TNKS: variants seen among roughly 807,000 people sequenced by gnomAD.
TNKS encodes the protein tankyrase.
In TNKS, 72 loss-of-function variants were observed where a neutral mutation model predicts 135.8. The ratio of observed to expected loss-of-function variants is 0.53; its 90% CI spans 0.44 to 0.64. TNKS has a LOEUF of 0.64. TNKS is among the 30% of genes least tolerant of loss of function. TNKS has a pLI of 0.00. For missense variants in TNKS, 1,769 were observed against 1,674.0 expected (o/e 1.06, Z -0.99); for synonymous variants, 849 against 649.3 (o/e 1.31, Z -4.68).
chr8:9,741,188 A>G (rs1175716273), intron 17 of TNKS: 2 of 152,378 alleles, frequency 1.3e-5, no homozygotes, highest in East Asian at 1.9e-4. Context: ...ACTTCTTAGC[A>G]TAATTGTTCT....
chr8:9,615,865 G>A (rs1007415597), intron 3 of TNKS, among the ~76,000 whole-genome samples, 188 bp downstream of exon 3: 2 of 152,196 alleles, frequency 1.3e-5, no homozygotes, highest in African/African-American at 4.8e-5. Flanking sequence ...AGCATAAGCA[G>A]TAAGATTGTT....
At chr8:9,676,686 C>CTCTCTCTGTGTGTGTGTGTGTG (rs1554467464) in intron 3 of TNKS, among the ~76,000 whole-genome samples, 8 of 147,886 alleles carry the variant, frequency 5.4e-5, no homozygotes, top group Admixed American at 2.0e-4. Flanking sequence ...CTCTCTCTCT[C>CTCTCTCTGTGTGTGTGTGTGTG]TGTGTGTGTG....
intron 5 of TNKS, among the ~76,000 whole-genome samples, chr8:9,681,891 T>G (rs1802795991): frequency 1.3e-5 from 2 of 152,130 alleles, no homozygotes; most frequent in Admixed American, 6.5e-5. Flanking sequence ...TGTAGATAGC[T>G]TATATATCGT....
chr8:9,741,775 G>A (rs773254707), intron 17 of TNKS: 17 of 493,838 alleles, frequency 3.4e-5, no homozygotes, highest in Middle Eastern at 3.3e-4. Context: ...GGTCGACCTT[G>A]TCTAACTTCA....
intron 2 of TNKS, among the ~76,000 whole-genome samples, chr8:9,606,748 A>G (rs1248937820): frequency 1.3e-5 from 2 of 152,036 alleles, no homozygotes; most frequent in African/African-American, 4.8e-5. Flanking sequence ...TATGTTTAAT[A>G]ATTTTTTATT....
In TNKS at chr8:9,644,026, G is replaced by A. The variant is rs149964259; in HGVS notation, c.994+28349G>A. Among the ~76,000 whole-genome samples the A allele has an allele frequency of 3.5e-3, 538 of 152,256 alleles. 4 individuals are homozygous for A. Among genetic ancestry groups the A allele is most frequent in the African/African-American group, 0.012 (501 of 41,548 alleles). ...AAATGGAATAAGACAGTCACAAAAG[G>A]ACAGATAATGTGGATTCCACTTATG... is the stretch of plus-strand genomic sequence containing the variant. On this transcript the variant is annotated intron_variant, in intron 3 of 26. Coordinates refer to ENST00000310430, the MANE Select transcript of TNKS (RefSeq NM_003747.3).
intron 11 of TNKS, 45 bp from the exon 12 acceptor site, chr8:9,720,329 T>C (rs1478021724): frequency 6.7e-7 from 1 of 1,496,800 alleles, no homozygotes; most frequent in Admixed American, 2.3e-5. Context: ...AAAAGGAAAC[T>C]AAACAAGATG....
At chr8:9,738,637 C>G (rs576887663) in intron 17 of TNKS, among the ~76,000 whole-genome samples, 3 of 50,308 alleles carry the variant, frequency 6.0e-5, no homozygotes, top group Non-Finnish European at 1.1e-4. Context: ...ATCTTTATTT[C>G]TGCCTTCATT....
rs574884498 is a variant in TNKS at position 9,758,663 on chromosome 8, C to A, written c.3154-2853C>A. 2.2e-4 allele frequency among the ~76,000 whole-genome samples: 34 copies of A among 152,306 alleles called. 2 individuals carry two copies. In the South Asian group the frequency reaches 7.0e-3, roughly 32 times the overall value. On this transcript the variant is annotated intron_variant, in intron 20 of 26. Transcript: ENST00000310430. ...ACTGTCCAACAGGTCTGCAGTCTCA[C>A]CTGGGGACTCACCTGGCAAGGGCTG...
intron 20 of TNKS, among the ~76,000 whole-genome samples, chr8:9,760,958 A>G (rs570542988): frequency 4.6e-5 from 7 of 152,358 alleles, no homozygotes; most frequent in African/African-American, 1.7e-4. Context: ...ACAGTTTGTA[A>G]TCTAACCAAA....
At chr8:9,625,308 TTTTC>T (rs1481414546) in intron 3 of TNKS, among the ~76,000 whole-genome samples, 1 of 152,026 alleles carries the variant, frequency 6.6e-6, no homozygotes, top group African/African-American at 2.4e-5. Context: ...TGTTTTCTCC[TTTTC>T]TTTGTCAATT....
rs1416988989 is a variant in TNKS at position 9,696,851 on chromosome 8, A to G, written c.1108-7812A>G. 9.9e-5 allele frequency among the ~76,000 whole-genome samples: 15 copies of G among 152,226 alleles called. 1 individual carries two copies. Among genetic ancestry groups the G allele is most frequent in the Admixed American group, 9.2e-4 (14 of 15,290 alleles). ...TCCATGCTCATGGATTGGAAGAATC[A>G]GTATCATTAAAGTGGCCATACTGCC... On this transcript the variant is annotated intron_variant, in intron 5 of 26. Coordinates refer to ENST00000310430, the MANE Select transcript of TNKS (RefSeq NM_003747.3).
intron 3 of TNKS, among the ~76,000 whole-genome samples, chr8:9,669,865 A>G (rs900770886): frequency 6.6e-6 from 1 of 152,222 alleles, no homozygotes; most frequent in Non-Finnish European, 1.5e-5. Flanking sequence ...AGAAAATATT[A>G]TCCAAGGAAA....
At chr8:9,657,798 C>T (rs867148970) in intron 3 of TNKS, among the ~76,000 whole-genome samples, 104 of 151,136 alleles carry the variant, frequency 6.9e-4, no homozygotes, top group Middle Eastern at 3.4e-3. Flanking sequence ...CCACCTCCCT[C>T]CCGGATGGGG....
intron 5 of TNKS, among the ~76,000 whole-genome samples, chr8:9,688,624 A>G (rs1447251171): frequency 6.6e-6 from 1 of 151,926 alleles, no homozygotes; most frequent in Non-Finnish European, 1.5e-5. Flanking sequence ...TCTGGTGAGC[A>G]AGTTTTTTTT....
chr8:9,721,024 G>A (rs1487189908), intron 12 of TNKS, among the ~76,000 whole-genome samples: 1 of 151,988 alleles, frequency 6.6e-6, no homozygotes, highest in Non-Finnish European at 1.5e-5. Flanking sequence ...GCTCACTCCT[G>A]TAATCCCAAT....
intron 17 of TNKS, among the ~76,000 whole-genome samples, chr8:9,740,733 T>G (rs1194872929): frequency 6.6e-6 from 1 of 152,020 alleles, no homozygotes; most frequent in East Asian, 1.9e-4. Context: ...AGGTTCTCAA[T>G]TTCTCTGAGC....
At chr8:9,714,752 A>T (rs1384325786) in intron 11 of TNKS, among the ~76,000 whole-genome samples, 2 of 152,192 alleles carry the variant, frequency 1.3e-5, no homozygotes, top group African/African-American at 4.8e-5. Flanking sequence ...GACTTAGAGA[A>T]TGGTGGTGCA....
chr8:9,725,987 C>A (rs1019823128), intron 12 of TNKS, among the ~76,000 whole-genome samples: 2 of 152,152 alleles, frequency 1.3e-5, no homozygotes, highest in Non-Finnish European at 2.9e-5. Flanking sequence ...TTCCTAAAGC[C>A]ATTCAATAAA....
Sources: allele counts gnomAD v4.1 joint callset (sites outside exome capture counted in the v4.1 genomes callset), GRCh38; gene constraint gnomAD v4.1.1; transcripts MANE v1.5; gene names NCBI Gene and HGNC (gene_info 2026-07-23, HGNC 2026-07-21).